INPP4B: variants seen among roughly 807,000 people sequenced by gnomAD.
INPP4B encodes inositol polyphosphate 4-phosphatase type II.
Under a neutral mutation model 122.5 loss-of-function variants are expected in INPP4B, and 55 were observed. That is an observed-to-expected ratio of 0.45 (90% CI 0.36 to 0.56). The LOEUF (loss-of-function observed/expected upper bound fraction) is 0.56. Among genes scored for constraint, INPP4B ranks in the 20% least tolerant of loss-of-function variants. The pLI is 0.00. For synonymous variants in INPP4B, 403 were observed against 388.7 expected (o/e 1.04, Z -0.43); for missense variants, 1,000 against 1,097.7 (o/e 0.91, Z 1.26).
chr4:142,584,592 C>T (rs540298288), intron 2 of INPP4B, among the ~76,000 whole-genome samples: 44 of 152,252 alleles, frequency 2.9e-4, no homozygotes, highest in African/African-American at 1.0e-3. Context: ...AGGAAGTCCA[C>T]AGAAGTGGAG....
At chr4:142,461,619 A>G (rs1319953129) in intron 3 of INPP4B, among the ~76,000 whole-genome samples, 3 of 152,302 alleles carry the variant, frequency 2.0e-5, no homozygotes, top group Admixed American at 1.3e-4. Flanking sequence ...CTAGAAAATT[A>G]TCTAACGTAG....
rs749465710 is a variant in INPP4B, at chr4:142,124,699, C to T, written c.1782G>A (p.Val594=). The T allele has an allele frequency of 1.9e-6, 3 of 1,611,994 alleles. No individual in the cohort carries two copies. The highest frequency in any genetic ancestry group is 2.2e-5 in the South Asian group (2 of 90,948). The change falls in exon 19 of 26, where the codon GTG becomes GTA. Residue 594 remains valine (V), a synonymous_variant. Coordinates refer to ENST00000262992, the MANE Select transcript of INPP4B (RefSeq NM_001101669.3). ...TCAGGGACTGCTTGGCTCGGTTCAC[C>T]ACTTCTCCCATGCAGTCCTTCAGGG... ...ILTLKDCMGE[V]VNRAKQSLTF... is the part of the protein sequence containing the mutation.
chr4:142,525,280 G>A (rs1459295071), intron 2 of INPP4B, among the ~76,000 whole-genome samples: 1 of 151,308 alleles, frequency 6.6e-6, no homozygotes, highest in South Asian at 2.1e-4. Flanking sequence ...TCATGGGTAG[G>A]AAGAATCAAT....
chr4:142,040,043 G>A (rs1036949913), intron 25 of INPP4B, among the ~76,000 whole-genome samples: 2 of 151,408 alleles, frequency 1.3e-5, no homozygotes, highest in Non-Finnish European at 2.9e-5. Context: ...GGTTGGGGGG[G>A]TAATACAGAA....
chr4:142,080,922 T>C (rs992469777), intron 25 of INPP4B, among the ~76,000 whole-genome samples: 9 of 152,158 alleles, frequency 5.9e-5, no homozygotes, highest in Non-Finnish European at 1.2e-4. Flanking sequence ...TTGAAAGAAG[T>C]TTTTATATCA....
intron 2 of INPP4B, among the ~76,000 whole-genome samples, chr4:142,716,672 G>A (rs79725764): frequency 0.025 from 3,765 of 152,304 alleles, 59 homozygotes; most frequent in Middle Eastern, 0.095. Flanking sequence ...TAACAGGCCA[G>A]GTAGAGGTCC....
intron 2 of INPP4B, among the ~76,000 whole-genome samples, chr4:142,644,256 G>A (rs1017387729): frequency 5.5e-5 from 8 of 144,612 alleles, no homozygotes; most frequent in Admixed American, 4.9e-4. Context: ...AGAGAAGGAA[G>A]GGGGTCAGGA....
chr4:142,696,347 A>C (rs540473688), intron 2 of INPP4B, among the ~76,000 whole-genome samples: 10 of 152,294 alleles, frequency 6.6e-5, no homozygotes, highest in African/African-American at 2.2e-4. Context: ...ACCTTGTTCC[A>C]TAACTGTGCC....
At chr4:142,250,538 A>G (rs1196953947) in intron 11 of INPP4B, among the ~76,000 whole-genome samples, 1 of 152,238 alleles carries the variant, frequency 6.6e-6, no homozygotes, top group Admixed American at 6.5e-5. Context: ...GTTTAGATAG[A>G]TAGATAAATA....
intron 2 of INPP4B, among the ~76,000 whole-genome samples, chr4:142,666,292 A>G (rs972027531): frequency 2.0e-5 from 3 of 152,284 alleles, no homozygotes; most frequent in Non-Finnish European, 2.9e-5. Flanking sequence ...AAATGTATAT[A>G]TAATTTTAGA....
chr4:142,246,043 T>TAC (rs1728416057), intron 11 of INPP4B, among the ~76,000 whole-genome samples: 1 of 95,122 alleles, frequency 1.1e-5, no homozygotes. Context: ...CGTGTGTGTA[T>TAC]ACACACATTA....
At chr4:142,759,825 T>TAAAAAAAAAAAAAAAAAAAAAAA (rs70949188) in intron 1 of INPP4B, among the ~76,000 whole-genome samples, 7 of 70,070 alleles carry the variant, frequency 1.0e-4, no homozygotes, top group African/African-American at 3.4e-4. Context: ...GAGCTTTTTC[T>TAAAAAAAAAAAAAAAAAAAAAAA]AAAAAAAAAA....
At chr4:142,565,887 T>G (rs1346638000) in intron 2 of INPP4B, 1 of 152,168 alleles carries the variant, frequency 6.6e-6, no homozygotes, top group Non-Finnish European at 1.5e-5. Context: ...AATGCAAAAC[T>G]GAATTTAAAT....
At chr4:142,832,283 A>G (rs1782241358) in intron 1 of INPP4B, among the ~76,000 whole-genome samples, 1 of 152,192 alleles carries the variant, frequency 6.6e-6, no homozygotes, top group South Asian at 2.1e-4. Context: ...CCTTCCAACT[A>G]TAATGTGTTT....
chr4:142,159,101 G>A (rs1035475022), intron 17 of INPP4B, among the ~76,000 whole-genome samples: 1 of 151,932 alleles, frequency 6.6e-6, no homozygotes, highest in South Asian at 2.1e-4. Flanking sequence ...GTAATATAAT[G>A]CATTTGCCTT....
At chr4:142,660,724 C>G (rs1755016634) in intron 2 of INPP4B, 1 of 152,168 alleles carries the variant, frequency 6.6e-6, no homozygotes, top group African/African-American at 2.4e-5. Context: ...TTACCCCTCC[C>G]CTTGTTTCAC....
rs201837104 is a variant in INPP4B at position 142,364,326 on chromosome 4, TA to T, written c.372+38611del. Among the ~76,000 whole-genome samples the T allele has an allele frequency of 9.6e-3, 1,452 of 150,806 alleles. 32 individuals carry two copies. The highest frequency in any genetic ancestry group is 0.034 in the African/African-American group (1,381 of 41,136). On this transcript the variant is annotated intron_variant, in intron 7 of 25. Transcript: ENST00000262992. ...TCCTGACTTTCCTTACTTGTTTATT[TA>T]AAAAAAAATGAGAAAGAAGACTTTG...
At position 142,270,766 on chromosome 4, in the gene INPP4B, T is replaced by C; in HGVS notation, c.512A>G (p.Asp171Gly). Residue 171 changes from aspartate to glycine, a missense_variant, in exon 10 of 26, where the codon GAT (aspartate) becomes GGT (glycine). By Grantham distance (94) the Asp-to-Gly change is moderately conservative. Coordinates refer to ENST00000262992, the MANE Select transcript of INPP4B (RefSeq NM_001101669.3). The part of the protein sequence containing the change: ...QLLVLSLRTS[D>G]GGKVVGTIEV... Reference sequence around the variant, plus strand: ...TATGGTGCCAACCACTTTGCCACCATCTGAAGTTCTGCAACAAAAAATACA... The same window carrying C: ...TATGGTGCCAACCACTTTGCCACCACCTGAAGTTCTGCAACAAAAAATACA... The C allele has an allele frequency of 6.2e-7, 1 of 1,610,514 alleles. No homozygotes were observed. The highest frequency in any genetic ancestry group is 8.5e-7 in the Non-Finnish European group (1 of 1,176,834).
intron 18 of INPP4B, among the ~76,000 whole-genome samples, chr4:142,127,755 T>TA (rs1799274704): frequency 6.6e-6 from 1 of 152,164 alleles, no homozygotes; most frequent in Non-Finnish European, 1.5e-5. Context: ...TGGAGGAACA[T>TA]AAGTGAAAAA....
Sources: allele counts gnomAD v4.1 joint callset (sites outside exome capture counted in the v4.1 genomes callset), GRCh38; gene constraint gnomAD v4.1.1; transcripts MANE v1.5; gene names NCBI Gene and HGNC (gene_info 2026-07-23, HGNC 2026-07-21).